WDTC1: variants seen among roughly 807,000 people sequenced by gnomAD.
WDTC1 encodes WD and tetratricopeptide repeats 1.
In WDTC1, 12 loss-of-function variants were observed where a neutral mutation model predicts 76.0. The ratio of observed to expected loss-of-function variants is 0.16; its 90% CI spans 0.10 to 0.26. The LOEUF is 0.26. WDTC1 is among the 10% of genes least tolerant of loss of function. WDTC1 has a pLI of 1.00. For missense variants in WDTC1, 511 were observed against 908.8 expected (o/e 0.56, Z 5.63); for synonymous variants, 326 against 350.8 (o/e 0.93, Z 0.79).
rs777100319 is a variant in WDTC1 at position 27,306,324 on chromosome 1, G to T, written c.1975G>T (p.Ala659Ser). 1.9e-6 allele frequency: 3 copies of T among 1,613,954 alleles called. No individual in the cohort carries two copies. Among genetic ancestry groups the T allele is most frequent in the Non-Finnish European group, 2.5e-6 (3 of 1,179,998 alleles). ...GATCACGGGCCTGAGCAGTGGGGGT[G>T]CCGGGGCCTCTGATGATGAGGACAG... ...YRITGLSSGG[A>S]GASDDEDSSE... Residue 659 changes from alanine to serine, a missense_variant, in exon 16 of 16, where the codon GCC becomes TCC. Transcript: ENST00000319394. The surrounding 1 kb of genome is among the most constrained non-coding windows in gnomAD (Gnocchi z 5.0).
At chr1:27,270,765 C>G (rs1163745191) in intron 3 of WDTC1, among the ~76,000 whole-genome samples, 1 of 152,086 alleles carries the variant, frequency 6.6e-6, no homozygotes, top group Non-Finnish European at 1.5e-5. Flanking sequence ...AACAAACAAA[C>G]AAACAAACAA....
intron 3 of WDTC1, among the ~76,000 whole-genome samples, chr1:27,266,257 A>C (rs1013528076): frequency 4.6e-5 from 7 of 152,204 alleles, no homozygotes; most frequent in African/African-American, 1.7e-4. Context: ...TGGAGGTCTG[A>C]GGAGAACATG....
intron 1 of WDTC1, among the ~76,000 whole-genome samples, chr1:27,254,006 G>A (rs899130162): frequency 2.6e-5 from 4 of 152,064 alleles, no homozygotes; most frequent in Non-Finnish European, 4.4e-5. Context: ...TTGGACTGAG[G>A]TATGAAACTT....
In WDTC1 at chr1:27,301,021, T is replaced by C. The variant is rs960603812; in HGVS notation, c.1233-205T>C. On this transcript the variant is annotated intron_variant, in intron 12 of 15. Transcript: ENST00000319394. The surrounding 1 kb of genome is among the most constrained non-coding windows in gnomAD (Gnocchi z 5.8). ...TTTTGCCACCCTCAAGACCTCAGGGTTTCCTGGCTTGCTCCTTAACCATAC... is the reference window on the plus strand; with the variant it reads ...TTTTGCCACCCTCAAGACCTCAGGGCTTCCTGGCTTGCTCCTTAACCATAC... 1.3e-5 allele frequency among the ~76,000 whole-genome samples: 2 copies of C among 152,148 alleles called. No individual in the cohort carries two copies. The highest frequency in any genetic ancestry group is 2.9e-5 in the Non-Finnish European group (2 of 68,014).
chr1:27,268,239 G>A (rs748353095), intron 3 of WDTC1, among the ~76,000 whole-genome samples: 3 of 151,932 alleles, frequency 2.0e-5, no homozygotes, highest in African/African-American at 7.3e-5. Context: ...TCAGGAGTTC[G>A]AGACCAGCCT....
At chr1:27,297,584 C>G (rs370021449) in intron 11 of WDTC1, among the ~76,000 whole-genome samples, 2 of 152,164 alleles carry the variant, frequency 1.3e-5, no homozygotes. Context: ...AAATAGAGTT[C>G]TCTAGACAGC....
intron 5 of WDTC1, among the ~76,000 whole-genome samples, chr1:27,285,071 A>T (rs1282535945): frequency 4.9e-5 from 7 of 143,010 alleles, no homozygotes. Context: ...CTTACTCTGA[A>T]TGTCGCCCAG....
intron 3 of WDTC1, among the ~76,000 whole-genome samples, chr1:27,265,011 C>G: frequency 6.6e-6 from 1 of 152,030 alleles, no homozygotes; most frequent in East Asian, 1.9e-4. Flanking sequence ...ACCATGTTGC[C>G]CAGGCTGGTC....
Position 27,267,619 on chromosome 1 carries a change from T to G in WDTC1, c.132+4384T>G, listed in dbSNP as rs2012717499. On this transcript the variant is annotated intron_variant, in intron 3 of 15. Coordinates refer to ENST00000319394, the MANE Select transcript of WDTC1 (RefSeq NM_001276252.2). ...TTGACTAATATAATGAGTTTTAGTATCCTTTCAGAGGAATTTTATGCATAA... is the reference window on the plus strand; with the variant it reads ...TTGACTAATATAATGAGTTTTAGTAGCCTTTCAGAGGAATTTTATGCATAA... Among the ~76,000 whole-genome samples, 3 of 152,134 alleles carry G rather than the reference T, an allele frequency of 2.0e-5. No homozygotes were observed. The South Asian group carries it at 6.2e-4, about 31-fold the overall frequency.
Position 27,301,306 on chromosome 1 carries a change from G to A in WDTC1, c.1313G>A (p.Arg438His), listed in dbSNP as rs138177259. 5 of 1,614,144 alleles carry A rather than the reference G, an allele frequency of 3.1e-6. No individual in the cohort carries two copies. Among genetic ancestry groups the A allele is most frequent in the East Asian group, 2.2e-5 (1 of 44,882 alleles). ...LNPCHLKAHF[R>H]LARCLFELKY... ...CCATGCCACCTGAAGGCACACTTTC[G>A]CCTGGCCCGCTGCCTCTTTGAGCTC... The change falls in exon 13 of 16, where the codon CGC becomes CAC. Residue 438 changes from arginine (R) to histidine (H), a missense_variant. Transcript: ENST00000319394. This position sits in a 1 kb window ranked among gnomAD's most constrained non-coding sequence, Gnocchi z 5.8.
In WDTC1 at chr1:27,297,082, G is replaced by T. The variant is rs1324424154; in HGVS notation, c.984G>T (p.Val328=). The T allele has an allele frequency of 6.2e-7, 1 of 1,614,038 alleles. No homozygotes were observed. Among genetic ancestry groups the T allele is most frequent in the Non-Finnish European group, 8.5e-7 (1 of 1,179,982 alleles). ...VQNGKMSTNG[V]SNGVSNGLHL... ...ATGGCAAGATGTCCACCAACGGTGT[G>T]TCCAACGGTGTGTCCAATGGCCTGC... Residue 328 remains valine, a synonymous_variant, in exon 11 of 16, where the codon GTG becomes GTT. Coordinates refer to ENST00000319394, the MANE Select transcript of WDTC1 (RefSeq NM_001276252.2).
At position 27,301,560 on chromosome 1, in the gene WDTC1, G is replaced by A; in HGVS notation, c.1468+99G>A. The A allele has an allele frequency of 7.5e-7, 1 of 1,334,238 alleles. No homozygotes were observed. The highest frequency in any genetic ancestry group is 2.4e-5 in the East Asian group (1 of 41,152). The allele number at this position is 1,334,238 out of a possible 1,614,324, so 82.6% of individuals were successfully genotyped here. A position where few individuals can be genotyped will look rare whatever the true frequency, so the allele number is the denominator to read the frequency against. On this transcript the variant is annotated intron_variant, in intron 13 of 15. Transcript: ENST00000319394. This position sits in a 1 kb window ranked among gnomAD's most constrained non-coding sequence, Gnocchi z 5.8. ...TGGTTCTGGGATTGGAGAGGCCTGGGTTCAGATGTTGATTCAGAAACCATG... is the reference window on the plus strand; with the variant it reads ...TGGTTCTGGGATTGGAGAGGCCTGGATTCAGATGTTGATTCAGAAACCATG...
intron 7 of WDTC1, 84 bp from the exon 8 acceptor site, chr1:27,293,938 G>A: frequency 1.5e-6 from 2 of 1,319,790 alleles, no homozygotes; most frequent in South Asian, 2.6e-5. Flanking sequence ...AGATACAAAT[G>A]TAAGTTTTCG....
At chr1:27,255,075 A>C (rs2012231306) in intron 1 of WDTC1, among the ~76,000 whole-genome samples, 1 of 151,840 alleles carries the variant, frequency 6.6e-6, no homozygotes, top group Non-Finnish European at 1.5e-5. Context: ...CAAGCCACGC[A>C]CCAGTCTTAG....
chr1:27,238,190 A>G (rs1428036992), intron 1 of WDTC1, among the ~76,000 whole-genome samples: 1 of 152,174 alleles, frequency 6.6e-6, no homozygotes, highest in East Asian at 1.9e-4. Context: ...CTGCTCTGTG[A>G]TATTGAATTG....
At chr1:27,283,250 C>T in intron 4 of WDTC1, 88 bp from the exon 5 acceptor site, 1 of 1,198,674 alleles carries the variant, frequency 8.3e-7, no homozygotes, top group East Asian at 2.4e-5. Flanking sequence ...AATTCTGTAA[C>T]CTAACTCCTT....
At chr1:27,263,456 T>C (rs1407845878) in intron 3 of WDTC1, among the ~76,000 whole-genome samples, 1 of 152,182 alleles carries the variant, frequency 6.6e-6, no homozygotes. Flanking sequence ...TTTTTTGAGA[T>C]GAAGTCTCGC....
At chr1:27,259,096 A>C (rs2012385633) in intron 1 of WDTC1, among the ~76,000 whole-genome samples, 1 of 152,210 alleles carries the variant, frequency 6.6e-6, no homozygotes, top group Admixed American at 6.5e-5. Context: ...AAATATTAAA[A>C]AGTAGAAAAA....
intron 1 of WDTC1, among the ~76,000 whole-genome samples, chr1:27,239,432 G>C (rs1383321654): frequency 1.3e-5 from 2 of 149,610 alleles, no homozygotes; most frequent in Admixed American, 6.7e-5. Flanking sequence ...TGAGGCGGGG[G>C]CATCACTTGA....
Sources: gnomAD v4.1 joint callset for allele counts (sites outside exome capture counted in the v4.1 genomes callset) on GRCh38, gnomAD v4.1.1 for gene constraint, Gnocchi (gnomAD v3.1) non-coding constraint, MANE v1.5 for transcripts, NCBI Gene and HGNC (gene_info 2026-07-23, HGNC 2026-07-21) for gene names.